Variants in SPSB1 observed in about 807,000 individuals in gnomAD.
SPSB1 encodes the protein splA/ryanodine receptor domain and SOCS box containing 1.
A neutral mutation model predicts 21.2 loss-of-function variants in SPSB1; 8 were observed. The observed-to-expected ratio is 0.38, with a 90% CI of 0.22 to 0.68. The LOEUF (loss-of-function observed/expected upper bound fraction) is 0.68. SPSB1 is among the 30% of genes least tolerant of loss of function. The pLI is 0.53. For missense variants in SPSB1, 242 were observed against 377.8 expected, an observed-to-expected ratio of 0.64 and a Z score of 2.98; for synonymous variants, 169 against 161.7, an observed-to-expected ratio of 1.05 and a Z score of -0.34.
rs868597896 is a variant in SPSB1, at chr1:9,365,885, C to T, written c.695-1563C>T. On this transcript the variant is annotated intron_variant, in intron 2 of 2. Transcript: ENST00000328089. ...CTTTCCATCTGCAGAACAGCGTGGG[C>T]GGCCCCACGAAGGTCCAGGTGTGCT... 4.6e-5 allele frequency among the ~76,000 whole-genome samples: 7 copies of T among 152,288 alleles called. No individual in the cohort carries two copies. In the South Asian group the frequency reaches 6.2e-4, roughly 14 times the overall value.
chr1:9,322,373 C>T (rs1639735337), intron 1 of SPSB1, among the ~76,000 whole-genome samples: 1 of 152,180 alleles, frequency 6.6e-6, no homozygotes, highest in South Asian at 2.1e-4. Context: ...GCAGGGTTGT[C>T]AGCTCCAAAG....
chr1:9,319,469 G>A (rs1330698828), intron 1 of SPSB1, among the ~76,000 whole-genome samples: 5 of 152,114 alleles, frequency 3.3e-5, no homozygotes, highest in African/African-American at 1.2e-4. Flanking sequence ...ACAGGGGTGG[G>A]ATGAGAGGCT....
chr1:9,301,078 G>A (rs1188170471), intron 1 of SPSB1, among the ~76,000 whole-genome samples: 1 of 152,234 alleles, frequency 6.6e-6, no homozygotes, highest in Non-Finnish European at 1.5e-5. Context: ...ACCTTGCTTC[G>A]AAGGAGAGAT....
chr1:9,308,615 T>C (rs1569574329), intron 1 of SPSB1, among the ~76,000 whole-genome samples: 1 of 152,180 alleles, frequency 6.6e-6, no homozygotes, highest in East Asian at 1.9e-4. Context: ...TCACATGTAT[T>C]GATTGAATGT....
chr1:9,347,956 T>C (rs933771222), intron 1 of SPSB1, among the ~76,000 whole-genome samples: 39 of 151,534 alleles, frequency 2.6e-4, no homozygotes, highest in African/African-American at 9.2e-4. Context: ...TTTTTTTTTT[T>C]TTTTTTTAAA....
At chr1:9,339,402 C>A (rs11578175) in intron 1 of SPSB1, 213,834 of 698,904 alleles carry the variant, frequency 0.31, 33,451 homozygotes, top group South Asian at 0.4. Flanking sequence ...CCAGGGTCCT[C>A]AGGTAATTCC....
chr1:9,318,124 T>C (rs1186456698), intron 1 of SPSB1, among the ~76,000 whole-genome samples: 2 of 152,220 alleles, frequency 1.3e-5, no homozygotes, highest in South Asian at 2.1e-4. Context: ...TGACGTTCCC[T>C]GTGGCCCAGT....
In SPSB1 at chr1:9,317,924, G is replaced by A. The variant is rs543356911; in HGVS notation, c.-150+24853G>A. 2.0e-5 allele frequency among the ~76,000 whole-genome samples: 3 copies of A among 150,152 alleles called. No individual in the cohort carries two copies. Among genetic ancestry groups the A allele is most frequent in the East Asian group, 3.9e-4 (2 of 5,084 alleles). ...GCTTCCTTGGCACACCATTCGCTCCGCGAGTTTGTTAAGGGCCCCTGTGTG... is the reference window on the plus strand; with the variant it reads ...GCTTCCTTGGCACACCATTCGCTCCACGAGTTTGTTAAGGGCCCCTGTGTG... On this transcript the variant is annotated intron_variant, in intron 1 of 2. Transcript: ENST00000328089. This position sits in a 1 kb window ranked among gnomAD's most constrained non-coding sequence, Gnocchi z 4.3.
At position 9,367,633 on chromosome 1, in the gene SPSB1, T is replaced by C; in HGVS notation, c.*58T>C. The C allele has an allele frequency of 1.3e-6, 2 of 1,528,690 alleles. No individual in the cohort carries two copies. Among genetic ancestry groups the C allele is most frequent in the Non-Finnish European group, 1.8e-6 (2 of 1,134,618 alleles). 94.7% of individuals were successfully genotyped at this position (1,528,690 alleles called of 1,614,324 possible). On this transcript the variant is annotated 3_prime_UTR_variant, in exon 3 of 3. Transcript: ENST00000328089. This position sits in a 1 kb window ranked among gnomAD's most constrained non-coding sequence, Gnocchi z 5.9. The stretch of plus-strand genomic sequence containing the variant: ...CCTGGTGCCAACTCACTGAGCCGCC[T>C]GCCGCTGGGGCCGCCGCACCCTGCA...
At chr1:9,342,415 G>A (rs1419208011) in intron 1 of SPSB1, among the ~76,000 whole-genome samples, 1 of 152,222 alleles carries the variant, frequency 6.6e-6, no homozygotes, top group East Asian at 1.9e-4. Flanking sequence ...TGGCAGTCAG[G>A]CCCCAGCGTC....
chr1:9,325,006 G>A (rs1016056872), intron 1 of SPSB1, among the ~76,000 whole-genome samples: 8 of 152,192 alleles, frequency 5.3e-5, no homozygotes, highest in Non-Finnish European at 1.0e-4. Context: ...GCCCCATTGG[G>A]AGCCACAGCC....
intron 1 of SPSB1, among the ~76,000 whole-genome samples, chr1:9,339,532 A>G (rs1640056713): frequency 6.6e-6 from 1 of 152,108 alleles, no homozygotes; most frequent in Non-Finnish European, 1.5e-5. Flanking sequence ...TTCCTGTCAG[A>G]TGGGGTTGTT....
chr1:9,341,671 CCCTT>C (rs911387044), intron 1 of SPSB1, among the ~76,000 whole-genome samples: 1 of 152,178 alleles, frequency 6.6e-6, no homozygotes, highest in African/African-American at 2.4e-5. Flanking sequence ...GGCCTGTTCT[CCCTT>C]CCTGAACGGT....
At chr1:9,344,253 C>T (rs769715973) in intron 1 of SPSB1, among the ~76,000 whole-genome samples, 3 of 152,126 alleles carry the variant, frequency 2.0e-5, no homozygotes, top group Admixed American at 6.5e-5. Flanking sequence ...CAGGCTGCCC[C>T]GTGGAGTTTC....
chr1:9,300,828 C>T (rs1198912314), intron 1 of SPSB1, among the ~76,000 whole-genome samples: 1 of 152,222 alleles, frequency 6.6e-6, no homozygotes, highest in Non-Finnish European at 1.5e-5. Context: ...TGCCCACTGC[C>T]TTCTCTCTCC....
rs948925130 is a variant in SPSB1 at position 9,334,306 on chromosome 1, G to C, written c.-149-21437G>C. 6.6e-5 allele frequency among the ~76,000 whole-genome samples: 10 copies of C among 152,034 alleles called. No individual in the cohort carries two copies. The East Asian group carries it at 1.9e-3, about 29-fold the overall frequency. ...TCACCATGTTGGCCAGGCTGCTCTC[G>C]AACTCTTGACCTCAGGTGATCCGCC... On this transcript the variant is annotated intron_variant, in intron 1 of 2. Coordinates refer to ENST00000328089, the MANE Select transcript of SPSB1 (RefSeq NM_025106.4).
chr1:9,302,172 G>A (rs1164314440), intron 1 of SPSB1, among the ~76,000 whole-genome samples: 2 of 152,222 alleles, frequency 1.3e-5, no homozygotes, highest in African/African-American at 4.8e-5. Flanking sequence ...AATTAAGTAT[G>A]GTTTAAGAAG....
At chr1:9,330,788 T>G (rs72643817) in intron 1 of SPSB1, among the ~76,000 whole-genome samples, 1 of 152,064 alleles carries the variant, frequency 6.6e-6, no homozygotes, top group Non-Finnish European at 1.5e-5. Context: ...TCAGTAGCGT[T>G]GAGTACATTA....
chr1:9,311,165 T>C (rs1434548370), intron 1 of SPSB1, among the ~76,000 whole-genome samples: 1 of 151,316 alleles, frequency 6.6e-6, no homozygotes, highest in Non-Finnish European at 1.5e-5. Flanking sequence ...AAAGGGTTTT[T>C]TTTTTTTTTT....
Sources: allele counts gnomAD v4.1 joint callset (sites outside exome capture counted in the v4.1 genomes callset), GRCh38; gene constraint gnomAD v4.1.1; non-coding constraint Gnocchi (gnomAD v3.1); transcripts MANE v1.5; gene names NCBI Gene and HGNC (gene_info 2026-07-23, HGNC 2026-07-21).